NMNAT2: variants seen among roughly 807,000 people sequenced by gnomAD.
NMNAT2 encodes nicotinamide nucleotide adenylyltransferase 2.
Under a neutral mutation model 41.6 loss-of-function variants are expected in NMNAT2, and 11 were observed. The ratio of observed to expected loss-of-function variants is 0.26; its 90% CI spans 0.17 to 0.44. The LOEUF is 0.44. Ranked by LOEUF, NMNAT2 falls within the 20% of genes least tolerant of loss-of-function variation. The pLI is 1.00. For missense variants in NMNAT2, 288 were observed against 407.7 expected, an observed-to-expected ratio of 0.71 and a Z score of 2.53; for synonymous variants, 148 against 151.2, an observed-to-expected ratio of 0.98 and a Z score of 0.16.
At chr1:183,315,000 A>T (rs553841303) in intron 1 of NMNAT2, among the ~76,000 whole-genome samples, 1 of 152,340 alleles carries the variant, frequency 6.6e-6, no homozygotes, top group South Asian at 2.1e-4. Context: ...AAAGTCGTAC[A>T]CTTTGTATAT....
At chr1:183,304,946 G>T in intron 1 of NMNAT2, 2 of 1,272,448 alleles carry the variant, frequency 1.6e-6, no homozygotes, top group Non-Finnish European at 2.1e-6. Context: ...GCCAGACCAT[G>T]CTGAGAGAAC....
intron 1 of NMNAT2, among the ~76,000 whole-genome samples, chr1:183,356,903 G>A (rs1227572194): frequency 6.6e-6 from 1 of 152,200 alleles, no homozygotes; most frequent in African/African-American, 2.4e-5. Flanking sequence ...TTTAACTTTT[G>A]TTGTGGCTGC....
At chr1:183,344,111 A>G (rs1166445726) in intron 1 of NMNAT2, among the ~76,000 whole-genome samples, 1 of 152,174 alleles carries the variant, frequency 6.6e-6, no homozygotes, top group Admixed American at 6.5e-5. Context: ...AAGCTTTCCT[A>G]AATCCTGAGG....
chr1:183,371,069 A>G (rs1663528790), intron 1 of NMNAT2, among the ~76,000 whole-genome samples: 1 of 152,194 alleles, frequency 6.6e-6, no homozygotes, highest in Non-Finnish European at 1.5e-5. Context: ...CCACACCTCC[A>G]CAGGAGAAAA....
At chr1:183,361,204 C>T (rs1663300251) in intron 1 of NMNAT2, among the ~76,000 whole-genome samples, 2 of 152,172 alleles carry the variant, frequency 1.3e-5, no homozygotes, top group South Asian at 4.1e-4. Context: ...GATTCAAACC[C>T]AGGCATTTGA....
At chr1:183,403,500 C>T (rs182237866) in intron 1 of NMNAT2, among the ~76,000 whole-genome samples, 15 of 151,286 alleles carry the variant, frequency 9.9e-5, no homozygotes, top group African/African-American at 2.4e-4. Context: ...AGCCCCCACT[C>T]GGGAGACTGT....
At chr1:183,375,887 G>C (rs1663668421) in intron 1 of NMNAT2, among the ~76,000 whole-genome samples, 1 of 152,146 alleles carries the variant, frequency 6.6e-6, no homozygotes, top group Non-Finnish European at 1.5e-5. Context: ...TCTGGTATTA[G>C]AACAACCTGT....
chr1:183,292,926 C>T, intron 2 of NMNAT2, 69 bp from the exon 3 acceptor site: 1 of 1,419,474 alleles, frequency 7.0e-7, no homozygotes, highest in South Asian at 1.2e-5. Context: ...GATACCAGCC[C>T]AAGCCCACCC....
At chr1:183,404,903 C>A (rs749171829) in intron 1 of NMNAT2, among the ~76,000 whole-genome samples, 1 of 152,132 alleles carries the variant, frequency 6.6e-6, no homozygotes, top group African/African-American at 2.4e-5. Flanking sequence ...GTCAGATAGA[C>A]AAAGAAGCAA....
chr1:183,275,413 T>C (rs1323261145), intron 8 of NMNAT2, among the ~76,000 whole-genome samples: 1 of 151,960 alleles, frequency 6.6e-6, no homozygotes, highest in Non-Finnish European at 1.5e-5. Context: ...GACTGAGCAG[T>C]TGGCTGGCAG....
chr1:183,367,345 C>A (rs1414898724), intron 1 of NMNAT2, among the ~76,000 whole-genome samples: 1 of 152,152 alleles, frequency 6.6e-6, no homozygotes, highest in African/African-American at 2.4e-5. Flanking sequence ...GTAGTCCCAG[C>A]TACTTGGGAG....
At chr1:183,376,215 T>G (rs12409487) in intron 1 of NMNAT2, among the ~76,000 whole-genome samples, 26,987 of 152,196 alleles carry the variant, frequency 0.18, 2,965 homozygotes, top group African/African-American at 0.3. Flanking sequence ...TAATTAATAT[T>G]CATTATTAAT....
intron 1 of NMNAT2, among the ~76,000 whole-genome samples, chr1:183,388,435 G>T (rs1398534991): frequency 6.6e-6 from 1 of 152,188 alleles, no homozygotes; most frequent in Non-Finnish European, 1.5e-5. Context: ...GAAGGTTCAT[G>T]GCATTGTAGG....
chr1:183,347,739 C>G (rs1409638440), intron 1 of NMNAT2, among the ~76,000 whole-genome samples: 1 of 152,140 alleles, frequency 6.6e-6, no homozygotes, highest in Non-Finnish European at 1.5e-5. Context: ...CAGCATATAG[C>G]AGGGGCTCCC....
At chr1:183,349,494 A>T (rs1223878083) in intron 1 of NMNAT2, among the ~76,000 whole-genome samples, 1 of 152,250 alleles carries the variant, frequency 6.6e-6, no homozygotes, top group Non-Finnish European at 1.5e-5. Flanking sequence ...CCCCGCTGAG[A>T]ATTTTAAATG....
At chr1:183,414,588 C>T (rs894232570) in intron 1 of NMNAT2, among the ~76,000 whole-genome samples, 1 of 152,184 alleles carries the variant, frequency 6.6e-6, no homozygotes, top group African/African-American at 2.4e-5. Context: ...TATGAGTTTA[C>T]TTTGCCAAAA....
chr1:183,308,122 T>C (rs996362496), intron 1 of NMNAT2, among the ~76,000 whole-genome samples: 2 of 152,186 alleles, frequency 1.3e-5, no homozygotes, highest in African/African-American at 4.8e-5. Context: ...TGGAAAAGTT[T>C]CATTTGTCTT....
intron 1 of NMNAT2, among the ~76,000 whole-genome samples, chr1:183,408,731 C>T (rs1464615175): frequency 1.3e-5 from 2 of 152,026 alleles, no homozygotes; most frequent in African/African-American, 4.8e-5. Context: ...TTTTGATTCC[C>T]TGGGGTATAA....
intron 1 of NMNAT2, chr1:183,304,535 A>T: frequency 1.3e-6 from 1 of 749,372 alleles, no homozygotes; most frequent in Non-Finnish European, 2.2e-6. Context: ...TGATGTCCCT[A>T]AACAGGCATG....
Sources: allele counts gnomAD v4.1 joint callset (sites outside exome capture counted in the v4.1 genomes callset), GRCh38; gene constraint gnomAD v4.1.1; transcripts MANE v1.5; gene names NCBI Gene and HGNC (gene_info 2026-07-23, HGNC 2026-07-21).